ABCC1: variants seen among roughly 807,000 people sequenced by gnomAD.
ABCC1 encodes multidrug resistance-associated protein 1.
Under a neutral mutation model 172.9 loss-of-function variants are expected in ABCC1, and 83 were observed. The observed-to-expected ratio is 0.48, with a 90% CI of 0.40 to 0.58. The LOEUF (loss-of-function observed/expected upper bound fraction) is 0.58. Ranked by LOEUF, ABCC1 falls within the 20% of genes least tolerant of loss-of-function variation. The pLI, the probability that ABCC1 is intolerant of heterozygous loss-of-function variation, is 0.00. For synonymous variants in ABCC1, 937 were observed against 825.2 expected, an observed-to-expected ratio of 1.14 and a Z score of -2.32; for missense variants, 1,817 against 2,002.7, an observed-to-expected ratio of 0.91 and a Z score of 1.77.
intron 1 of ABCC1, among the ~76,000 whole-genome samples, chr16:15,990,735 C>T (rs375592774): frequency 5.3e-5 from 8 of 151,814 alleles, no homozygotes; most frequent in South Asian, 4.2e-4. Context: ...CTGCAAGCTC[C>T]GCCTCCTGGG....
In ABCC1 at chr16:16,122,107, A is replaced by G. The variant is rs2045192265; in HGVS notation, c.3523A>G (p.Ile1175Val). The change falls in exon 24 of 31, where the codon ATC (isoleucine) becomes GTC (valine). Residue 1175 changes from isoleucine (I) to valine (V), a missense_variant. Ile to Val is a conservative substitution (Grantham distance 29). Coordinates refer to ENST00000399410, the MANE Select transcript of ABCC1 (RefSeq NM_004996.4). ...IRAFEEQERFIHQSDLKVDEN... is the reference protein window; with the variant it reads ...IRAFEEQERFVHQSDLKVDEN... ...AGCCTTCGAGGAGCAGGAGCGCTTC[A>G]TCCACCAGAGTGACCTGAAGGTGGA... 6.2e-7 allele frequency: 1 copy of G among 1,614,044 alleles called. No homozygotes were observed. The highest frequency in any genetic ancestry group is 1.3e-5 in the African/African-American group (1 of 74,920).
intron 10 of ABCC1, 81 bp from the exon 11 acceptor site, chr16:16,052,643 G>A: frequency 1.4e-6 from 2 of 1,383,966 alleles, no homozygotes; most frequent in Non-Finnish European, 2.0e-6. Flanking sequence ...ATCCACGTGG[G>A]ATGGATCAAC....
chr16:16,124,676 C>A, intron 24 of ABCC1, 113 bp from the exon 25 acceptor site: 1 of 1,459,952 alleles, frequency 6.8e-7, no homozygotes, highest in Non-Finnish European at 9.4e-7. Context: ...TCTGGAATTA[C>A]TGCGGAGTTA....
intron 9 of ABCC1, 76 bp downstream of exon 9, chr16:16,046,089 A>G: frequency 1.3e-6 from 2 of 1,508,090 alleles, no homozygotes; most frequent in Non-Finnish European, 1.8e-6. Context: ...CTCTGGGGCC[A>G]GCGTGGGGAT....
chr16:16,098,576 G>A lies in ABCC1; in HGVS notation c.2645-4051G>A, dbSNP rs190395566. On this transcript the variant is annotated intron_variant, in intron 19 of 30. Coordinates refer to ENST00000399410, the MANE Select transcript of ABCC1 (RefSeq NM_004996.4). ...GGAGGTTGCGGTGAGCTAAGATCAC[G>A]CCACTTCCCTCCAGCCTGGGCTAAA... Among the ~76,000 whole-genome samples, 426 of 152,336 alleles carry A rather than the reference G, an allele frequency of 2.8e-3. 10 individuals carry two copies. Among genetic ancestry groups the A allele is most frequent in the Non-Finnish European group, 1.2e-3 (79 of 68,030 alleles).
At chr16:16,039,266 CTTTTTTTTTTT>C (rs1202497870) in intron 7 of ABCC1, among the ~76,000 whole-genome samples, 6 of 87,770 alleles carry the variant, frequency 6.8e-5, no homozygotes, top group Non-Finnish European at 1.3e-4. Context: ...TGTGTGTTTT[CTTTTTTTTTTT>C]TTTTTTTTGA....
Position 16,068,239 on chromosome 16 carries a change from C to G in ABCC1, c.1761C>G (p.Ala587=). 1 of 1,614,146 alleles carries G rather than the reference C, an allele frequency of 6.2e-7. No individual in the cohort carries two copies. The highest frequency in any genetic ancestry group is 2.2e-5 in the East Asian group (1 of 44,876). ...LDAQTAFVSL[A]LFNILRFPLN... ...CCCAGACAGCCTTCGTGTCTTTGGC[C>G]TTGTTCAACATCCTCCGGTTTCCCC... Residue 587 remains alanine (A), a synonymous_variant, in exon 13 of 31, where the codon GCC becomes GCG. Coordinates refer to ENST00000399410, the MANE Select transcript of ABCC1 (RefSeq NM_004996.4).
chr16:16,094,378 G>T, intron 19 of ABCC1: 1 of 234,924 alleles, frequency 4.3e-6, no homozygotes, highest in South Asian at 5.7e-5. Context: ...TTCTTGGCCT[G>T]GGTACATCTA....
At chr16:16,047,900 A>T (rs45598735) in intron 9 of ABCC1, among the ~76,000 whole-genome samples, 11,215 of 148,142 alleles carry the variant, frequency 0.076, 542 homozygotes, top group Middle Eastern at 0.15. Flanking sequence ...GGTTTCGAGG[A>T]CACCTAGGGT....
At chr16:16,107,980 ACTGT>A (rs1265177520) in intron 21 of ABCC1, among the ~76,000 whole-genome samples, 1 of 151,726 alleles carries the variant, frequency 6.6e-6, no homozygotes, top group Non-Finnish European at 1.5e-5. Flanking sequence ...GCTTCCGAGG[ACTGT>A]CTGTTCCTGG....
Position 16,071,733 on chromosome 16 carries a change from T to C in ABCC1, c.1912+4T>C. The C allele has an allele frequency of 2.5e-6, 4 of 1,612,542 alleles. No homozygotes were observed. Among genetic ancestry groups the C allele is most frequent in the Non-Finnish European group, 3.4e-6 (4 of 1,179,306 alleles). ...GAGCGACGGCCTGTCAAAGACGGTG[T>C]GTGTGTGTTCAGTCCTGGCTTCTGG... On this transcript the variant is annotated splice_donor_region_variant and intron_variant, in intron 14 of 30. Coordinates refer to ENST00000399410, the MANE Select transcript of ABCC1 (RefSeq NM_004996.4).
chr16:16,019,675 G>A (rs2048128342), intron 5 of ABCC1, among the ~76,000 whole-genome samples: 1 of 152,196 alleles, frequency 6.6e-6, no homozygotes, highest in Admixed American at 6.5e-5. Context: ...CTGGGCGTGT[G>A]TGTACCAGGG....
At chr16:15,970,089 T>C (rs1284987264) in intron 1 of ABCC1, among the ~76,000 whole-genome samples, 4 of 152,192 alleles carry the variant, frequency 2.6e-5, no homozygotes, top group Non-Finnish European at 5.9e-5. Context: ...ACCCGTTTGA[T>C]GATACAGGTT....
At chr16:15,965,095 A>G (rs1163106745) in intron 1 of ABCC1, among the ~76,000 whole-genome samples, 1 of 152,154 alleles carries the variant, frequency 6.6e-6, no homozygotes, top group Non-Finnish European at 1.5e-5. Flanking sequence ...TAGTTTTGCA[A>G]GGTTGCATTT....
At chr16:16,066,185 G>A (rs565763440) in intron 12 of ABCC1, among the ~76,000 whole-genome samples, 32 of 149,650 alleles carry the variant, frequency 2.1e-4, no homozygotes, top group Non-Finnish European at 2.2e-4. Context: ...TTTTCTGACT[G>A]TTTTCTTTTT....
chr16:15,953,076 C>T (rs931272620), intron 1 of ABCC1, among the ~76,000 whole-genome samples: 3 of 151,836 alleles, frequency 2.0e-5, no homozygotes, highest in African/African-American at 4.8e-5. Context: ...TAGATCATGC[C>T]TGTAATCCCA....
intron 1 of ABCC1, among the ~76,000 whole-genome samples, chr16:15,968,181 T>C (rs1188456406): frequency 6.6e-6 from 1 of 151,960 alleles, no homozygotes; most frequent in Non-Finnish European, 1.5e-5. Flanking sequence ...GTGTGTACCA[T>C]GCACCACCAT....
At chr16:16,000,608 A>G (rs1395374554) in intron 1 of ABCC1, among the ~76,000 whole-genome samples, 2 of 151,904 alleles carry the variant, frequency 1.3e-5, no homozygotes, top group Non-Finnish European at 2.9e-5. Flanking sequence ...TTTAATTGTT[A>G]AATTTTTTCA....
intron 2 of ABCC1, among the ~76,000 whole-genome samples, chr16:16,008,959 G>GT (rs954289019): frequency 2.8e-3 from 235 of 82,494 alleles, no homozygotes; most frequent in Non-Finnish European, 4.5e-3. Flanking sequence ...GTTGTTTTTT[G>GT]TTTTTTTTTG....
Sources: gnomAD v4.1 joint callset for allele counts (sites outside exome capture counted in the v4.1 genomes callset) on GRCh38, gnomAD v4.1.1 for gene constraint, MANE v1.5 for transcripts, NCBI Gene and HGNC (gene_info 2026-07-23, HGNC 2026-07-21) for gene names.